SULT2B1: variants seen among roughly 807,000 people sequenced by gnomAD.
SULT2B1 encodes the protein sulfotransferase family 2B member 1.
In SULT2B1, 16 loss-of-function variants were observed where a neutral mutation model predicts 33.2. That is an observed-to-expected ratio of 0.48 (90% confidence interval 0.33 to 0.73). The LOEUF (loss-of-function observed/expected upper bound fraction) is 0.73, where lower values mean the gene tolerates loss of function less well. SULT2B1 is among the 30% of genes least tolerant of loss of function. The pLI is 0.02. For synonymous variants in SULT2B1, 186 were observed against 200.5 expected (o/e 0.93, Z 0.61); for missense variants, 500 against 506.0 (o/e 0.99, Z 0.11).
intron 1 of SULT2B1, among the ~76,000 whole-genome samples, chr19:48,571,702 GA>G (rs1973331753): frequency 6.7e-6 from 1 of 150,112 alleles, no homozygotes; most frequent in Admixed American, 6.7e-5. Flanking sequence ...AAGCGGAGAA[GA>G]TGGTCAATAA....
At chr19:48,578,445 G>C (rs905655903) in intron 2 of SULT2B1, among the ~76,000 whole-genome samples, 5 of 151,998 alleles carry the variant, frequency 3.3e-5, no homozygotes, top group Non-Finnish European at 5.9e-5. Context: ...AGCCAGGCAC[G>C]ATAGTGTATG....
intron 2 of SULT2B1, among the ~76,000 whole-genome samples, chr19:48,581,993 C>T (rs1241929233): frequency 1.3e-5 from 2 of 151,584 alleles, no homozygotes; most frequent in Admixed American, 6.6e-5. Flanking sequence ...CAACCTCCGC[C>T]TCCTGGGTTC....
At chr19:48,586,237 G>A (rs1202940761) in intron 2 of SULT2B1, among the ~76,000 whole-genome samples, 1 of 152,072 alleles carries the variant, frequency 6.6e-6, no homozygotes, top group Non-Finnish European at 1.5e-5. Flanking sequence ...AAATAAATAA[G>A]TAAAGCAATT....
intron 1 of SULT2B1, among the ~76,000 whole-genome samples, chr19:48,570,044 A>G (rs1334038436): frequency 6.6e-6 from 1 of 152,170 alleles, no homozygotes; most frequent in African/African-American, 2.4e-5. Flanking sequence ...CGACAACATC[A>G]TTGGAGGCTG....
At chr19:48,584,094 C>T (rs1468368217) in intron 2 of SULT2B1, among the ~76,000 whole-genome samples, 2 of 152,144 alleles carry the variant, frequency 1.3e-5, no homozygotes, top group Non-Finnish European at 2.9e-5. Context: ...CCTGGAAACA[C>T]AGCAAGACTC....
At position 48,559,322 on chromosome 19, in the gene SULT2B1, A is replaced by G. The variant is rs10427087; in HGVS notation, c.71+6999A>G. The stretch of plus-strand genomic sequence containing the variant: ...GGAAAGGTTGGAAGTGGTGATGTTC[A>G]GAGTTCAGGACCCATTTGGTTTTGT... On this transcript the variant is annotated intron_variant, in intron 1 of 6. Transcript: ENST00000201586. 8.9e-3 allele frequency among the ~76,000 whole-genome samples: 1,355 copies of G among 151,790 alleles called. 25 individuals carry two copies. Among genetic ancestry groups the G allele is most frequent in the African/African-American group, 0.029 (1,186 of 41,304 alleles).
intron 4 of SULT2B1, among the ~76,000 whole-genome samples, chr19:48,592,389 GGCCCCTGGTA>G (rs2147626705): frequency 6.6e-6 from 1 of 151,196 alleles, no homozygotes; most frequent in Admixed American, 6.7e-5. Context: ...GGAGGAGACA[GGCCCCTGGTA>G]CTAAGAAAGG....
chr19:48,597,800 C>T (rs569047910), intron 6 of SULT2B1, among the ~76,000 whole-genome samples: 1 of 151,444 alleles, frequency 6.6e-6, no homozygotes, highest in Non-Finnish European at 1.5e-5. Flanking sequence ...CCCACCACCA[C>T]GCCTGGCTAA....
At chr19:48,589,851 T>C (rs1055931045) in intron 3 of SULT2B1, among the ~76,000 whole-genome samples, 6 of 152,214 alleles carry the variant, frequency 3.9e-5, no homozygotes, top group African/African-American at 7.2e-5. Flanking sequence ...TCCCAGCTAC[T>C]TGGGAGGCTG....
Position 48,552,427 on chromosome 19 carries a change from G to A in SULT2B1, c.71+104G>A, listed in dbSNP as rs1031181024. ...GGGTGGCCTCCAGCCACCCGCAGCC[G>A]CAGGCCTGGCCCAGACTTAGCTGGA... is the stretch of plus-strand genomic sequence containing the variant. On this transcript the variant is annotated intron_variant, in intron 1 of 6. Transcript: ENST00000201586. The surrounding 1 kb of genome is among the most constrained non-coding windows in gnomAD (Gnocchi z 4.8). 2.8e-5 allele frequency: 36 copies of A among 1,271,766 alleles called. No homozygotes were observed. The highest frequency in any genetic ancestry group is 8.0e-5 in the South Asian group (6 of 75,302). The allele number at this position is 1,271,766 out of a possible 1,614,324, so 78.8% of individuals were successfully genotyped here.
At chr19:48,583,118 T>C (rs1334794685) in intron 2 of SULT2B1, among the ~76,000 whole-genome samples, 1 of 149,624 alleles carries the variant, frequency 6.7e-6, no homozygotes, top group Non-Finnish European at 1.5e-5. Context: ...TCCATTGCAC[T>C]CCAGCCTAGG....
intron 1 of SULT2B1, among the ~76,000 whole-genome samples, chr19:48,569,354 A>AGG: frequency 1.2e-5 from 1 of 86,686 alleles, no homozygotes; most frequent in East Asian, 2.9e-4. Flanking sequence ...AAAAAAAAAA[A>AGG]AAAAAAAACA....
At chr19:48,569,146 T>A (rs1171484402) in intron 1 of SULT2B1, among the ~76,000 whole-genome samples, 1 of 151,004 alleles carries the variant, frequency 6.6e-6, no homozygotes, top group African/African-American at 2.4e-5. Flanking sequence ...ATCGAGACCA[T>A]CCTGGGTAAC....
intron 1 of SULT2B1, among the ~76,000 whole-genome samples, chr19:48,566,901 G>T (rs1973250864): frequency 6.6e-6 from 1 of 152,016 alleles, no homozygotes. Context: ...TTCTTGGGAA[G>T]TTGAGACATG....
At chr19:48,573,876 A>G (rs918000178) in intron 1 of SULT2B1, among the ~76,000 whole-genome samples, 2 of 152,024 alleles carry the variant, frequency 1.3e-5, no homozygotes, top group South Asian at 4.2e-4. Flanking sequence ...TATGTTTGTT[A>G]CTAGAGTCAG....
At chr19:48,597,337 CTTTTT>C (rs535736357) in intron 6 of SULT2B1, among the ~76,000 whole-genome samples, 1 of 106,902 alleles carries the variant, frequency 9.4e-6, no homozygotes, top group Non-Finnish European at 1.9e-5. Flanking sequence ...CACGTTTACT[CTTTTT>C]TTTTTTTTTT....
chr19:48,596,516 A>C, intron 5 of SULT2B1: 1 of 451,164 alleles, frequency 2.2e-6, no homozygotes, highest in Non-Finnish European at 3.8e-6. Flanking sequence ...CCCCAAGCCC[A>C]CCTATTCCCT....
intron 2 of SULT2B1, among the ~76,000 whole-genome samples, chr19:48,578,562 G>A (rs1973443929): frequency 6.6e-6 from 1 of 151,646 alleles, no homozygotes; most frequent in Admixed American, 6.6e-5. Flanking sequence ...AGCTTGGGTG[G>A]CAGAGACTGT....
intron 2 of SULT2B1, among the ~76,000 whole-genome samples, chr19:48,581,668 A>G (rs1481375853): frequency 6.7e-6 from 1 of 148,970 alleles, no homozygotes; most frequent in Non-Finnish European, 1.5e-5. Context: ...CGTGTTAGCC[A>G]GGATGGTCTC....
Sources: allele counts gnomAD v4.1 joint callset (sites outside exome capture counted in the v4.1 genomes callset), GRCh38; gene constraint gnomAD v4.1.1; non-coding constraint Gnocchi (gnomAD v3.1); transcripts MANE v1.5; gene names NCBI Gene and HGNC (gene_info 2026-07-23, HGNC 2026-07-21).